The following NTM variants were observed in gnomAD, a reference collection of about 807,000 sequenced individuals.
NTM encodes the protein IgLON family member 2.
In NTM, 13 loss-of-function variants were observed where a neutral mutation model predicts 42.1. The ratio of observed to expected loss-of-function variants is 0.31; its 90% CI spans 0.20 to 0.49. The LOEUF (loss-of-function observed/expected upper bound fraction) is 0.49. Ranked by LOEUF, NTM falls within the 20% of genes least tolerant of loss-of-function variation. The pLI, the probability that NTM is intolerant of heterozygous loss-of-function variation, is 0.99. For missense variants in NTM, 373 were observed against 452.8 expected, an observed-to-expected ratio of 0.82 and a Z score of 1.60; for synonymous variants, 187 against 179.2, an observed-to-expected ratio of 1.04 and a Z score of -0.35.
chr11:131,989,393 G>A (rs2066621096), intron 2 of NTM, among the ~76,000 whole-genome samples: 1 of 152,130 alleles, frequency 6.6e-6, no homozygotes, highest in Admixed American at 6.6e-5. Flanking sequence ...CTTACTCATT[G>A]CAGAATTAAA....
At chr11:131,656,116 A>G (rs1364793906) in intron 1 of NTM, among the ~76,000 whole-genome samples, 2 of 152,232 alleles carry the variant, frequency 1.3e-5, no homozygotes, top group East Asian at 1.9e-4. Context: ...GCAAAGTGTT[A>G]GTGCCAGACC....
At chr11:131,652,040 G>C (rs2066563235) in intron 1 of NTM, among the ~76,000 whole-genome samples, 1 of 152,038 alleles carries the variant, frequency 6.6e-6, no homozygotes, top group Non-Finnish European at 1.5e-5. Context: ...ATCAGAGAAT[G>C]CTTAGAATAC....
At chr11:131,600,104 T>A (rs548304582) in intron 1 of NTM, among the ~76,000 whole-genome samples, 3 of 152,316 alleles carry the variant, frequency 2.0e-5, no homozygotes, top group South Asian at 2.1e-4. Flanking sequence ...GTTATAGATA[T>A]GAAATTATTA....
intron 1 of NTM, among the ~76,000 whole-genome samples, chr11:131,564,409 G>A (rs555008135): frequency 6.6e-6 from 1 of 151,970 alleles, no homozygotes; most frequent in African/African-American, 2.4e-5. Flanking sequence ...CCTTCCCACT[G>A]TGTGCTCACA....
intron 7 of NTM, among the ~76,000 whole-genome samples, chr11:132,318,868 AAAG>A (rs1342900898): frequency 4.6e-5 from 7 of 152,346 alleles, no homozygotes; most frequent in African/African-American, 1.4e-4. Context: ...GGGGAGATGA[AAAG>A]AAATGCATTA....
intron 1 of NTM, among the ~76,000 whole-genome samples, chr11:131,549,663 C>A (rs562465013): frequency 2.0e-5 from 3 of 152,164 alleles, no homozygotes; most frequent in African/African-American, 7.2e-5. Flanking sequence ...CAGCTCTTTG[C>A]CCCATGTGTT....
intron 1 of NTM, among the ~76,000 whole-genome samples, chr11:131,692,673 G>T (rs747997968): frequency 1.7e-4 from 26 of 152,164 alleles, no homozygotes; most frequent in Non-Finnish European, 3.2e-4. Context: ...GTGGCATCAG[G>T]GATGAAAGTG....
At chr11:131,645,986 T>C (rs1322672896) in intron 1 of NTM, among the ~76,000 whole-genome samples, 2 of 152,222 alleles carry the variant, frequency 1.3e-5, no homozygotes, top group Admixed American at 6.5e-5. Flanking sequence ...ACCTTAGCTA[T>C]AGACATGTCA....
intron 1 of NTM, among the ~76,000 whole-genome samples, chr11:131,793,984 T>C (rs1203388752): frequency 1.3e-5 from 2 of 152,154 alleles, no homozygotes; most frequent in African/African-American, 4.8e-5. Context: ...AAGACCTCAA[T>C]ATTTATCATT....
intron 4 of NTM, among the ~76,000 whole-genome samples, chr11:132,299,801 T>G (rs1052247361): frequency 1.3e-5 from 2 of 152,202 alleles, no homozygotes; most frequent in African/African-American, 2.4e-5. Context: ...AAACATCTTT[T>G]AAATTTGCCC....
At chr11:131,531,983 C>T (rs1396736582) in intron 1 of NTM, among the ~76,000 whole-genome samples, 4 of 152,190 alleles carry the variant, frequency 2.6e-5, no homozygotes, top group Non-Finnish European at 5.9e-5. Flanking sequence ...AGGTCATAGT[C>T]AGCCTGCAAG....
At chr11:132,134,725 A>ATC (rs2067484721) in intron 2 of NTM, among the ~76,000 whole-genome samples, 1 of 62,926 alleles carries the variant, frequency 1.6e-5, no homozygotes, top group South Asian at 5.0e-4. Context: ...ATATATATAT[A>ATC]TATATATATA....
intron 2 of NTM, among the ~76,000 whole-genome samples, chr11:131,967,094 G>T (rs1445049790): frequency 6.6e-6 from 1 of 152,168 alleles, no homozygotes; most frequent in African/African-American, 2.4e-5. Context: ...GAGTTATGTT[G>T]TCCACATTAA....
chr11:131,757,408 C>A (rs1322991461), intron 1 of NTM, among the ~76,000 whole-genome samples: 3 of 152,276 alleles, frequency 2.0e-5, no homozygotes, highest in Non-Finnish European at 4.4e-5. Flanking sequence ...AACGATATAC[C>A]AGGTCACACC....
At chr11:131,786,849 T>C (rs111894072) in intron 1 of NTM, among the ~76,000 whole-genome samples, 3,447 of 152,322 alleles carry the variant, frequency 0.023, 48 homozygotes, top group Non-Finnish European at 0.033. Flanking sequence ...CTACAGGCTA[T>C]TCCTGTCCAT....
At chr11:131,549,692 A>G (rs1249497255) in intron 1 of NTM, among the ~76,000 whole-genome samples, 1 of 152,122 alleles carries the variant, frequency 6.6e-6, no homozygotes, top group Non-Finnish European at 1.5e-5. Flanking sequence ...TTCGATCCTC[A>G]GAAAGGGTTT....
intron 3 of NTM, among the ~76,000 whole-genome samples, chr11:132,209,781 A>G (rs1378775678): frequency 2.0e-5 from 3 of 152,142 alleles, no homozygotes; most frequent in African/African-American, 7.2e-5. Flanking sequence ...ATAGGCACAG[A>G]GAAGAGTGTA....
chr11:132,077,068 G>C (rs1389383358), intron 2 of NTM, among the ~76,000 whole-genome samples: 1 of 152,204 alleles, frequency 6.6e-6, no homozygotes, highest in Non-Finnish European at 1.5e-5. Context: ...AGAAATCAGT[G>C]TTTAATATTC....
At chr11:132,165,949 T>G (rs867692604) in intron 3 of NTM, among the ~76,000 whole-genome samples, 1 of 152,308 alleles carries the variant, frequency 6.6e-6, no homozygotes, top group Middle Eastern at 3.4e-3. Flanking sequence ...GAGAGTTTTA[T>G]AAATAAAATA....
Sources: allele counts gnomAD v4.1 joint callset (sites outside exome capture counted in the v4.1 genomes callset), GRCh38; gene constraint gnomAD v4.1.1; transcripts MANE v1.5; gene names NCBI Gene and HGNC (gene_info 2026-07-23, HGNC 2026-07-21).